Variants in ITPR1 observed in about 807,000 individuals in gnomAD.
ITPR1 encodes the protein inositol 1,4,5-trisphosphate receptor type 1.
In ITPR1, 96 loss-of-function variants were observed where a neutral mutation model predicts 318.4. That is an observed-to-expected ratio of 0.30 (90% CI 0.26 to 0.36). The LOEUF is 0.36. Ranked by LOEUF, ITPR1 falls within the 10% of genes least tolerant of loss-of-function variation. ITPR1 has a pLI of 1.00. For synonymous variants in ITPR1, 1,312 were observed against 1,289.9 expected (o/e 1.02, Z -0.37); for missense variants, 2,440 against 3,460.2 (o/e 0.71, Z 7.40).
At chr3:4,550,258 C>T (rs759040068) in intron 4 of ITPR1, among the ~76,000 whole-genome samples, 5 of 152,142 alleles carry the variant, frequency 3.3e-5, no homozygotes, top group Non-Finnish European at 7.4e-5. Flanking sequence ...TGTTTAGACT[C>T]AAGGGCCACA....
In ITPR1 at chr3:4,603,218, A is replaced by T. The variant is rs572780048; in HGVS notation, c.164-24545A>T. ...TTTTTTACAGTCAGCTATAATTTTT[A>T]AAATTATTTCTTTATTTTTAAAATT... On this transcript the variant is annotated intron_variant, in intron 4 of 61. Coordinates refer to ENST00000649015, the MANE Select transcript of ITPR1 (RefSeq NM_001378452.1). Among the ~76,000 whole-genome samples the T allele has an allele frequency of 5.3e-5, 8 of 152,142 alleles. No individual in the cohort carries two copies. In the East Asian group the frequency reaches 1.4e-3, roughly 26 times the overall value.
At chr3:4,721,955 C>T (rs1469003534) in intron 40 of ITPR1, among the ~76,000 whole-genome samples, 1 of 152,156 alleles carries the variant, frequency 6.6e-6, no homozygotes, top group East Asian at 1.9e-4. Context: ...TAATTTCTTT[C>T]ATTTGTAGTA....
intron 4 of ITPR1, among the ~76,000 whole-genome samples, chr3:4,595,629 G>A (rs530347891): frequency 3.3e-5 from 5 of 152,212 alleles, no homozygotes; most frequent in African/African-American, 4.8e-5. Flanking sequence ...CTGGGGTGTC[G>A]GCTTAGAGAT....
chr3:4,566,420 T>C (rs950723718), intron 4 of ITPR1, among the ~76,000 whole-genome samples: 3 of 152,300 alleles, frequency 2.0e-5, no homozygotes, highest in African/African-American at 4.8e-5. Context: ...AGCAAACCTC[T>C]ATCTGTTGAA....
intron 46 of ITPR1, among the ~76,000 whole-genome samples, chr3:4,771,827 G>A (rs766663680): frequency 1.1e-4 from 17 of 152,148 alleles, no homozygotes; most frequent in Middle Eastern, 3.4e-3. Flanking sequence ...TTTTGGCTTG[G>A]GGGAGCGCAC....
In ITPR1 at chr3:4,712,624, AC is replaced by A. The variant is rs376954049; in HGVS notation, c.5103+759del. Among the ~76,000 whole-genome samples the A allele has an allele frequency of 2.4e-4, 37 of 152,348 alleles. No individual in the cohort carries two copies. In the East Asian group the frequency reaches 7.1e-3, roughly 29 times the overall value. On this transcript the variant is annotated intron_variant, in intron 39 of 61. Coordinates refer to ENST00000649015, the MANE Select transcript of ITPR1 (RefSeq NM_001378452.1). Reference sequence around the variant, plus strand: ...GCTGATATCACTGACTTATCAAAATACCCAGTAAGTCATTTTTCAGCTCTAG... The same window carrying A: ...GCTGATATCACTGACTTATCAAAATACCAGTAAGTCATTTTTCAGCTCTAG...
chr3:4,813,461 G>A (rs563763822), intron 57 of ITPR1, among the ~76,000 whole-genome samples: 23 of 152,284 alleles, frequency 1.5e-4, no homozygotes, highest in Admixed American at 1.4e-3. Context: ...CATTTGCCAG[G>A]GACTGTGGTG....
At chr3:4,778,390 T>TAC (rs943258816) in intron 48 of ITPR1, among the ~76,000 whole-genome samples, 2 of 152,216 alleles carry the variant, frequency 1.3e-5, no homozygotes, top group African/African-American at 4.8e-5. Flanking sequence ...AGCCTAGAAC[T>TAC]ACAGGGTTTT....
At chr3:4,521,287 C>T (rs1331364098) in intron 4 of ITPR1, among the ~76,000 whole-genome samples, 193 bp downstream of exon 4, 1 of 152,112 alleles carries the variant, frequency 6.6e-6, no homozygotes, top group African/African-American at 2.4e-5. Context: ...ATTGGGTTGG[C>T]TTTTACTGGG....
intron 2 of ITPR1, among the ~76,000 whole-genome samples, chr3:4,500,409 C>T (rs2080931527): frequency 6.6e-6 from 1 of 152,002 alleles, no homozygotes; most frequent in Admixed American, 6.5e-5. Context: ...GCCATGTTGT[C>T]CAGGATGCTC....
intron 33 of ITPR1, among the ~76,000 whole-genome samples, chr3:4,696,495 G>C (rs1351301226): frequency 6.6e-6 from 1 of 152,154 alleles, no homozygotes; most frequent in African/African-American, 2.4e-5. Context: ...ACCACGTTTT[G>C]TGTGTCCATC....
intron 35 of ITPR1, among the ~76,000 whole-genome samples, chr3:4,702,131 A>ATTAAAAAT (rs557847556): frequency 0.28 from 43,035 of 152,066 alleles, 6,984 homozygotes; most frequent in Non-Finnish European, 0.38. Context: ...GTACTCAGAA[A>ATTAAAAAT]GTCAGTGTCA....
chr3:4,607,788 G>A (rs561498405), intron 4 of ITPR1, among the ~76,000 whole-genome samples: 1 of 152,112 alleles, frequency 6.6e-6, no homozygotes, highest in Middle Eastern at 3.2e-3. Flanking sequence ...GAGGCCATCA[G>A]TAGTCAGATT....
chr3:4,610,405 C>G (rs1397881135), intron 4 of ITPR1, among the ~76,000 whole-genome samples: 1 of 151,730 alleles, frequency 6.6e-6, no homozygotes, highest in African/African-American at 2.4e-5. Context: ...ACAGTCTGCT[C>G]TTCCTTTGTG....
At position 4,642,290 on chromosome 3, in the gene ITPR1, A is replaced by T. The variant is rs753462139; in HGVS notation, c.525+39A>T. ...CTCCACCTAGAAAGTCTTCCGTGCC[A>T]TGCTTCCAAGCATGACTGTATATTA... is the stretch of plus-strand genomic sequence containing the variant. On this transcript the variant is annotated intron_variant, in intron 7 of 61. Transcript: ENST00000649015. 6.8e-6 allele frequency: 10 copies of T among 1,467,800 alleles called. No homozygotes were observed. The South Asian group carries it at 1.5e-4, about 23-fold the overall frequency. The allele number at this position is 1,467,800 out of a possible 1,614,324, so 90.9% of individuals were successfully genotyped here.
intron 10 of ITPR1, among the ~76,000 whole-genome samples, chr3:4,649,889 G>A (rs925405689): frequency 6.6e-6 from 1 of 152,100 alleles, no homozygotes; most frequent in African/African-American, 2.4e-5. Flanking sequence ...TCAAGACTCG[G>A]CCTCATGACC....
intron 11 of ITPR1, among the ~76,000 whole-genome samples, chr3:4,652,887 G>A (rs908094014): frequency 6.6e-6 from 1 of 152,008 alleles, no homozygotes; most frequent in African/African-American, 2.4e-5. Context: ...ACTTGGGAGG[G>A]TGAAGCAGGA....
intron 40 of ITPR1, among the ~76,000 whole-genome samples, chr3:4,722,899 A>G (rs986118188): frequency 6.6e-6 from 1 of 152,252 alleles, no homozygotes; most frequent in East Asian, 1.9e-4. Context: ...CTGTAATCCC[A>G]GCACTTTGGG....
chr3:4,708,318 T>C (rs1187326484), intron 37 of ITPR1, among the ~76,000 whole-genome samples: 1 of 152,158 alleles, frequency 6.6e-6, no homozygotes, highest in East Asian at 1.9e-4. Flanking sequence ...TAGATGGGTG[T>C]TAAACACTTA....
Sources: gnomAD v4.1 joint callset for allele counts (sites outside exome capture counted in the v4.1 genomes callset) on GRCh38, gnomAD v4.1.1 for gene constraint, MANE v1.5 for transcripts, NCBI Gene and HGNC (gene_info 2026-07-23, HGNC 2026-07-21) for gene names.